Variants in CPS1 observed in about 807,000 individuals in gnomAD.
CPS1 encodes carbamoyl-phosphate synthase [ammonia], mitochondrial.
Under a neutral mutation model 174.6 loss-of-function variants are expected in CPS1, and 109 were observed. The observed-to-expected ratio is 0.62, with a 90% confidence interval of 0.53 to 0.73. The LOEUF (loss-of-function observed/expected upper bound fraction) is 0.73. Among genes scored for constraint, CPS1 ranks in the 30% least tolerant of loss-of-function variants. CPS1 has a pLI of 0.00. For missense variants in CPS1, 1,689 were observed against 1,821.9 expected (o/e 0.93, Z 1.33); for synonymous variants, 637 against 632.0 (o/e 1.01, Z -0.12).
rs2106113248 is a variant in CPS1 at position 210,592,942 on chromosome 2, C to A, written c.1150C>A (p.Pro384Thr). The change falls in exon 11 of 38, where the codon CCA becomes ACA. Residue 384 changes from proline to threonine, a missense_variant. Pro to Thr is a conservative substitution (Grantham distance 38, BLOSUM62 -1). Transcript: ENST00000233072. ...GTTCCACCCAGAGGTCACCCCGGGG[C>A]CAATAGACACTGAGGTACGTCAAAA... ...VQFHPEVTPGPIDTEYLFDSF... is the reference protein window; with the variant it reads ...VQFHPEVTPGTIDTEYLFDSF... 1 of 1,612,002 alleles carries A rather than the reference C, an allele frequency of 6.2e-7. No homozygotes were observed. The highest frequency in any genetic ancestry group is 8.5e-7 in the Non-Finnish European group (1 of 1,178,770).
chr2:210,609,922 A>G (rs1392197826), intron 19 of CPS1, among the ~76,000 whole-genome samples: 1 of 151,998 alleles, frequency 6.6e-6, no homozygotes, highest in African/African-American at 2.4e-5. Flanking sequence ...AGGCAGAATT[A>G]TTTCTATTTT....
intron 23 of CPS1, among the ~76,000 whole-genome samples, 179 bp downstream of exon 23, chr2:210,639,394 T>C (rs1008440463): frequency 6.6e-6 from 1 of 151,324 alleles, no homozygotes; most frequent in East Asian, 1.9e-4. Context: ...GGGTGGATCA[T>C]GAGGTCAGGA....
intron 24 of CPS1, among the ~76,000 whole-genome samples, chr2:210,642,102 A>G (rs1700244014): frequency 6.6e-6 from 1 of 152,212 alleles, no homozygotes; most frequent in Non-Finnish European, 1.5e-5. Flanking sequence ...TATCCTCATC[A>G]CTGGATTAAC....
chr2:210,588,544 G>C (rs1698183760), intron 7 of CPS1, among the ~76,000 whole-genome samples: 1 of 152,058 alleles, frequency 6.6e-6, no homozygotes, highest in Non-Finnish European at 1.5e-5. Context: ...ATCATGCCCT[G>C]ACAGAGTACG....
intron 1 of CPS1, among the ~76,000 whole-genome samples, chr2:210,557,257 A>G (rs914038867): frequency 6.6e-6 from 1 of 152,114 alleles, no homozygotes; most frequent in Non-Finnish European, 1.5e-5. Context: ...TCTGTTCTAT[A>G]AATAGGGCTT....
intron 1 of CPS1, among the ~76,000 whole-genome samples, chr2:210,527,784 C>T (rs1240772549): frequency 6.6e-6 from 1 of 151,638 alleles, no homozygotes; most frequent in Non-Finnish European, 1.5e-5. Context: ...ATATTCTTGA[C>T]AGATTAAAAA....
At chr2:210,585,649 C>T (rs1698082101) in intron 6 of CPS1, among the ~76,000 whole-genome samples, 1 of 151,824 alleles carries the variant, frequency 6.6e-6, no homozygotes, top group African/African-American at 2.4e-5. Context: ...TACTGCCTTT[C>T]AACATAGTAG....
chr2:210,488,350 A>G (rs558336458), intron 1 of CPS1, among the ~76,000 whole-genome samples: 2 of 152,326 alleles, frequency 1.3e-5, no homozygotes, highest in South Asian at 2.1e-4. Context: ...GCAAAGTTCT[A>G]TTACAACATC....
At chr2:210,538,755 A>G (rs1057387732) in intron 1 of CPS1, among the ~76,000 whole-genome samples, 1 of 152,164 alleles carries the variant, frequency 6.6e-6, no homozygotes, top group Admixed American at 6.5e-5. Context: ...ATTATATATT[A>G]TCATACTTTT....
At position 210,606,949 on chromosome 2, in the gene CPS1, C is replaced by G. The variant is rs751993540; in HGVS notation, c.2192+8C>G. 6.2e-7 allele frequency: 1 copy of G among 1,609,162 alleles called. No individual in the cohort carries two copies. Reference sequence around the variant, plus strand: ...GGCCTCAAAAGCCACTGGGTAAGACCAGAATAATTGACCATGGGTTTGCAG... The same window carrying G: ...GGCCTCAAAAGCCACTGGGTAAGACGAGAATAATTGACCATGGGTTTGCAG... On this transcript the variant is annotated splice_region_variant and intron_variant, in intron 18 of 37. Coordinates refer to ENST00000233072, the MANE Select transcript of CPS1 (RefSeq NM_001875.5).
intron 1 of CPS1, among the ~76,000 whole-genome samples, chr2:210,535,602 C>A (rs1302814903): frequency 6.6e-6 from 1 of 152,084 alleles, no homozygotes; most frequent in African/African-American, 2.4e-5. Flanking sequence ...AAGATCAAAG[C>A]TGATGAATGA....
chr2:210,588,690 CCT>C (rs985697335), intron 7 of CPS1, among the ~76,000 whole-genome samples: 6 of 151,978 alleles, frequency 3.9e-5, no homozygotes, highest in African/African-American at 1.4e-4. Context: ...TCTCCTCACT[CCT>C]CTCTCAGTCT....
rs1559137394 is a variant in CPS1, at chr2:210,668,246, T to G, written c.4063T>G (p.Phe1355Val). The change falls in exon 34 of 38, where the codon TTT becomes GTT. Residue 1355 changes from phenylalanine to valine, a missense_variant. Physicochemically the swap from Phe to Val is conservative, Grantham distance 50. Coordinates refer to ENST00000233072, the MANE Select transcript of CPS1 (RefSeq NM_001875.5). ...CCTAAAGGCAATGCTTTCCACAGGA[T>G]TTAAGATACCCCAGAAAGGCATCCT... is the stretch of plus-strand genomic sequence containing the variant. ...AFLKAMLSTG[F>V]KIPQKGILIG... The G allele has an allele frequency of 6.2e-7, 1 of 1,613,968 alleles. No homozygotes were observed. The highest frequency in any genetic ancestry group is 8.5e-7 in the Non-Finnish European group (1 of 1,179,932).
chr2:210,677,600 A>C (rs1192837425), intron 37 of CPS1, among the ~76,000 whole-genome samples: 1 of 152,146 alleles, frequency 6.6e-6, no homozygotes, highest in Middle Eastern at 3.2e-3. Context: ...CAGAGTGGAG[A>C]CTCATTAACT....
intron 1 of CPS1, among the ~76,000 whole-genome samples, chr2:210,505,149 CAAGGGAGT>C (rs1695244103): frequency 6.6e-6 from 1 of 151,676 alleles, no homozygotes; most frequent in Non-Finnish European, 1.5e-5. Context: ...GAGCTATTTC[CAAGGGAGT>C]ACAATCATAT....
chr2:210,677,985 G>A lies in CPS1; in HGVS notation c.4503G>A (p.Ter1501=). The A allele has an allele frequency of 6.2e-7, 1 of 1,608,240 alleles. No homozygotes were observed. The highest frequency in any genetic ancestry group is 8.5e-7 in the Non-Finnish European group (1 of 1,174,624). ...AGTACAGTGCTGGAAAAGCAGCATA[G>A]AGATGCAGACACCCCAGCCCCATTA... ...YRQYSAGKAA[*] Residue 1501 remains the stop codon, a stop_retained_variant, in exon 38 of 38, where the codon TAG becomes TAA. Coordinates refer to ENST00000233072, the MANE Select transcript of CPS1 (RefSeq NM_001875.5).
In CPS1 at chr2:210,599,544, A is replaced by G; in HGVS notation, c.1532A>G (p.Gln511Arg). 1.9e-6 allele frequency: 3 copies of G among 1,612,454 alleles called. No homozygotes were observed. The highest frequency in any genetic ancestry group is 1.7e-6 in the Non-Finnish European group (2 of 1,178,940). The change falls in exon 14 of 38, where the codon CAG becomes CGG. Residue 511 changes from glutamine (Q) to arginine (R), a missense_variant. Transcript: ENST00000233072. ...GGGTTAATTCTGGGCATGGGTGGCC[A>G]GACAGCTCTGAACTGTGGTGAGTTC... Reference protein sequence around the residue: ...PDGLILGMGGQTALNCGVELF... With the variant: ...PDGLILGMGGRTALNCGVELF...
Position 210,591,909 on chromosome 2 carries a change from C to A in CPS1, c.1026C>A (p.Asp342Glu), listed in dbSNP as rs772107664. 6.2e-7 allele frequency: 1 copy of A among 1,612,478 alleles called. No homozygotes were observed. Among genetic ancestry groups the A allele is most frequent in the East Asian group, 2.2e-5 (1 of 44,806 alleles). The stretch of plus-strand genomic sequence containing the variant: ...CTCAGAATCATGGCTATGCCTTGGA[C>A]AACACCCTCCCTGCTGGCTGGAAAC... Reference protein sequence around the residue: ...ITAQNHGYALDNTLPAGWKPL... With the variant: ...ITAQNHGYALENTLPAGWKPL... The change falls in exon 10 of 38, where the codon GAC (aspartate) becomes GAA (glutamate). Residue 342 changes from aspartate to glutamate, a missense_variant. Asp to Glu is a conservative substitution (Grantham distance 45). Transcript: ENST00000233072.
At chr2:210,536,396 C>T (rs1696253506) in intron 1 of CPS1, among the ~76,000 whole-genome samples, 1 of 150,328 alleles carries the variant, frequency 6.7e-6, no homozygotes, top group African/African-American at 2.5e-5. Context: ...TCTCGGCTCA[C>T]TGCAAGCTCC....
Sources: gnomAD v4.1 joint callset for allele counts (sites outside exome capture counted in the v4.1 genomes callset) on GRCh38, gnomAD v4.1.1 for gene constraint, MANE v1.5 for transcripts, NCBI Gene and HGNC (gene_info 2026-07-23, HGNC 2026-07-21) for gene names.